Variants in TTN observed in about 807,000 individuals in gnomAD.
TTN encodes titin, also known as connectin.
TTN carries 1,525 observed loss-of-function variants against 3,223.0 expected under a neutral mutation model. That is an observed-to-expected ratio of 0.47 (90% CI 0.45 to 0.49). TTN has a LOEUF of 0.49. Ranked by LOEUF, TTN falls within the 20% of genes least tolerant of loss-of-function variation. The pLI is 0.00. For missense variants in TTN, 40,786 were observed against 43,424.0 expected, an observed-to-expected ratio of 0.94 and a Z score of 5.40; for synonymous variants, 14,094 against 15,161.0, an observed-to-expected ratio of 0.93 and a Z score of 5.17.
chr2:178,696,184 T>C lies in TTN; in HGVS notation c.30888A>G (p.Lys10296=), dbSNP rs587780978. 3.2e-4 allele frequency: 498 copies of C among 1,560,104 alleles called. No homozygotes were observed. The highest frequency in any genetic ancestry group is 4.2e-4 in the Non-Finnish European group (482 of 1,150,716). ...CTTGCTTTTTCTCATACACAGCTTC[T>C]TTTTCTTTCTGAACCTCTTTCTTTC... ...ITRKKEVQKE[K]EAVYEKKQAV... is the part of the protein sequence containing the mutation. The change falls in exon 114 of 363, where the codon AAA becomes AAG. Residue 10296 remains lysine, a synonymous_variant. Transcript: ENST00000589042.
Position 178,731,922 on chromosome 2 carries a change from C to T in TTN, c.16953G>A (p.Glu5651=). 6.2e-7 allele frequency: 1 copy of T among 1,613,518 alleles called. No individual in the cohort carries two copies. The highest frequency in any genetic ancestry group is 8.5e-7 in the Non-Finnish European group (1 of 1,179,626). The change falls in exon 58 of 363, where the codon GAG becomes GAA. Residue 5651 remains glutamate, a synonymous_variant. Transcript: ENST00000589042. ...CCTCAGCCAGCAACATGACATCGTA[C>T]TCCTTTAAGACTTCAATTGGCTTAA... The part of the protein sequence containing the change: ...KEFKPIEVLK[E]YDVMLLAEVA...
chr2:178,625,178 C>T (rs1412486444), intron 241 of TTN, 95 bp downstream of exon 241: 1 of 1,412,532 alleles, frequency 7.1e-7, no homozygotes, highest in Non-Finnish European at 9.5e-7. Context: ...TGATTTTAAA[C>T]ATCTATAGTA....
rs539117866 is a variant in TTN at position 178,739,334 on chromosome 2, T to C, written c.13899A>G (p.Lys4633=). ...TATTCTCAAAATACCAATTCACCTC[T>C]TTAGCATTTGTTATGGATGTTGTGA... ...VHLTTSITNA[K]EVNWYFENKL... Residue 4633 remains lysine, a synonymous_variant, in exon 48 of 363, where the codon AAA becomes AAG. Transcript: ENST00000589042. 3 of 1,613,834 alleles carry C rather than the reference T, an allele frequency of 1.9e-6. No homozygotes were observed. In the African/African-American group the frequency reaches 4.0e-5, roughly 21 times the overall value.
intron 6 of TTN, chr2:178,798,780 T>A (rs2093900313): frequency 6.6e-6 from 1 of 152,310 alleles, no homozygotes; most frequent in Non-Finnish European, 1.5e-5. Context: ...TCCAATCTGA[T>A]AGAGGAAGTG....
chr2:178,791,765 A>G lies in TTN; in HGVS notation c.1662+307T>C, dbSNP rs186752267. On this transcript the variant is annotated intron_variant, in intron 10 of 362. Transcript: ENST00000589042. ...GCTTAGGCTATGCACGAAGAAACCA[A>G]CTGTCCCGGTGGGTAACTGGACTGG... Among the ~76,000 whole-genome samples the G allele has an allele frequency of 1.3e-3, 202 of 151,354 alleles. 3 individuals are homozygous for G. The highest frequency in any genetic ancestry group is 4.2e-3 in the African/African-American group (174 of 41,214).
At chr2:178,619,379 T>C (rs1175598549) in intron 250 of TTN, 3 of 549,290 alleles carry the variant, frequency 5.5e-6, no homozygotes, top group Non-Finnish European at 9.5e-6. Context: ...GTAGCCTAAG[T>C]TCATAAATAG....
Position 178,624,695 on chromosome 2 carries a change from T to C in TTN, c.44585A>G (p.Gln14862Arg). The change falls in exon 242 of 363, where the codon CAG becomes CGG. Residue 14862 changes from glutamine to arginine, a missense_variant. Coordinates refer to ENST00000589042, the MANE Select transcript of TTN (RefSeq NM_001267550.2). ...PVEFTKPLED[Q>R]TVEEGATAVL... ...TGCAGTGGCTCCCTCTTCGACCGTC[T>C]GGTCCTCAAGAGGCTTAGTGAATTC... The C allele has an allele frequency of 6.2e-7, 1 of 1,612,446 alleles. No individual in the cohort carries two copies. Among genetic ancestry groups the C allele is most frequent in the Admixed American group, 1.7e-5 (1 of 59,886 alleles).
Position 178,547,107 on chromosome 2 carries a change from A to G in TTN, c.94418T>C (p.Leu31473Ser). Residue 31473 changes from leucine (L) to serine (S), a missense_variant, in exon 340 of 363, where the codon TTA becomes TCA. Transcript: ENST00000589042. ...CLECNYKVTG[L>S]VEGLEYQFRT... is the part of the protein sequence containing the mutation. ...GAACTGATATTCCAGTCCTTCTACT[A>G]AACCAGTTACTTTGTAGTTGCACTC... 6.2e-7 allele frequency: 1 copy of G among 1,613,842 alleles called. No individual in the cohort carries two copies. The highest frequency in any genetic ancestry group is 8.5e-7 in the Non-Finnish European group (1 of 1,179,758).
intron 43 of TTN, among the ~76,000 whole-genome samples, chr2:178,762,825 T>C (rs972012834): frequency 1.3e-5 from 2 of 152,218 alleles, no homozygotes; most frequent in African/African-American, 4.8e-5. Context: ...ATGGCTATAA[T>C]AAAATGAATG....
intron 67 of TTN, 119 bp downstream of exon 67, chr2:178,727,991 A>T (rs1193579472): frequency 7.1e-7 from 1 of 1,410,080 alleles, no homozygotes; most frequent in Non-Finnish European, 9.4e-7. Flanking sequence ...AACACAATGA[A>T]TATGTATCTA....
Position 178,621,554 on chromosome 2 carries a change from C to G in TTN, c.45270G>C (p.Gln15090His). The G allele has an allele frequency of 6.2e-7, 1 of 1,612,488 alleles. No homozygotes were observed. The highest frequency in any genetic ancestry group is 1.1e-5 in the South Asian group (1 of 91,046). Reference protein sequence around the residue: ...TEGRKRILVIQNAHLEDAGNY... With the variant: ...TEGRKRILVIHNAHLEDAGNY... ...TGCCAGCATCCTCAAGGTGAGCGTT[C>G]TGAATGACCAGGATTCTCTTCCGTC... The change falls in exon 245 of 363, where the codon CAG becomes CAC. Residue 15090 changes from glutamine (Q) to histidine (H), a missense_variant. Coordinates refer to ENST00000589042, the MANE Select transcript of TTN (RefSeq NM_001267550.2).
chr2:178,586,987 G>A, intron 307 of TTN, 131 bp downstream of exon 307: 1 of 1,379,226 alleles, frequency 7.3e-7, no homozygotes, highest in Non-Finnish European at 1.0e-6. Context: ...GAGTGAGATA[G>A]ATATTTATTA....
At chr2:178,688,293 A>G in intron 126 of TTN, 69 bp from the exon 127 acceptor site, 2 of 1,338,192 alleles carry the variant, frequency 1.5e-6, no homozygotes, top group Non-Finnish European at 2.1e-6. Context: ...CCATGTGGTC[A>G]CTACAGATGG....
chr2:178,589,213 C>T lies in TTN; in HGVS notation c.62512G>A (p.Asp20838Asn). 1.2e-6 allele frequency: 2 copies of T among 1,613,528 alleles called. No individual in the cohort carries two copies. The highest frequency in any genetic ancestry group is 1.7e-6 in the Non-Finnish European group (2 of 1,179,628). ...KFSLTKAKRS[D>N]GGKYVVTATN... ...GCCGTAACTACATATTTACCCCCAT[C>T]ACTTCGCTTTGCTTTAGTAAGAGAA... Residue 20838 changes from aspartate to asparagine, a missense_variant, in exon 304 of 363, where the codon GAT becomes AAT. Transcript: ENST00000589042.
Position 178,784,119 on chromosome 2 carries a change from G to T in TTN, c.2726C>A (p.Thr909Asn). ...TTCAAAGCGCTCTTCACGGACGGTG[G>T]TGCCAGTGATGCTCACCCCTACTTC... Reference protein sequence around the residue: ...KKEVGVSITGTTVREERFEVL... With the variant: ...KKEVGVSITGNTVREERFEVL... Residue 909 changes from threonine (T) to asparagine (N), a missense_variant, in exon 16 of 363, where the codon ACC (threonine) becomes AAC (asparagine). Coordinates refer to ENST00000589042, the MANE Select transcript of TTN (RefSeq NM_001267550.2). 1 of 1,614,048 alleles carries T rather than the reference G, an allele frequency of 6.2e-7. No homozygotes were observed. Among genetic ancestry groups the T allele is most frequent in the Non-Finnish European group, 8.5e-7 (1 of 1,180,012 alleles).
chr2:178,748,177 T>C (rs1358106233), intron 47 of TTN: 1 of 1,613,192 alleles, frequency 6.2e-7, no homozygotes, highest in Middle Eastern at 1.7e-4. Flanking sequence ...CTTCTATATC[T>C]GCAGATGAGG....
At position 178,756,208 on chromosome 2, in the gene TTN, A is replaced by G. The variant is rs754595864; in HGVS notation, c.11254+14T>C. On this transcript the variant is annotated intron_variant, in intron 46 of 362. Coordinates refer to ENST00000589042, the MANE Select transcript of TTN (RefSeq NM_001267550.2). The stretch of plus-strand genomic sequence containing the variant: ...GGATGAAATGAAGCAAGTCATAGCT[A>G]AAAATCAATTAACCACCTTCTACAC... 1.2e-5 allele frequency: 19 copies of G among 1,575,230 alleles called. No homozygotes were observed. The highest frequency in any genetic ancestry group is 1.4e-5 in the Non-Finnish European group (16 of 1,153,754).
At position 178,635,531 on chromosome 2, in the gene TTN, G is replaced by A. The variant is rs794729380; in HGVS notation, c.41793C>T (p.Tyr13931=). The A allele has an allele frequency of 6.3e-7, 1 of 1,597,482 alleles. No individual in the cohort carries two copies. The part of the protein sequence containing the change: ...TEILRDGNHL[Y]LKIKNAMPED... ...CTGGCATAGCATTCTTAATTTTGAG[G>A]TACAGATGATTTCCATCTCTCAGTA... Residue 13931 remains tyrosine (Y), a synonymous_variant, in exon 227 of 363, where the codon TAC becomes TAT. Transcript: ENST00000589042.
rs764237432 is a variant in TTN at position 178,725,665 on chromosome 2, T to C, written c.20555-16A>G. On this transcript the variant is annotated splice_polypyrimidine_tract_variant and intron_variant, in intron 70 of 362. Transcript: ENST00000589042. ...CTTGGTGGTTCTGAACAGGAAAAGA[T>C]GGATGGAAATTGTTGAAAAGATTGT... 1 of 1,557,224 alleles carries C rather than the reference T, an allele frequency of 6.4e-7. No homozygotes were observed. Among genetic ancestry groups the C allele is most frequent in the Non-Finnish European group, 8.7e-7 (1 of 1,151,428 alleles).
Sources: allele counts gnomAD v4.1 joint callset (sites outside exome capture counted in the v4.1 genomes callset), GRCh38; gene constraint gnomAD v4.1.1; transcripts MANE v1.5; gene names NCBI Gene and HGNC (gene_info 2026-07-23, HGNC 2026-07-21).